The following TEX36 variants were observed in gnomAD, a reference collection of about 807,000 sequenced individuals.
TEX36 encodes the protein testis-expressed protein 36.
TEX36 carries 12 observed loss-of-function variants against 13.6 expected under a neutral mutation model. That is an observed-to-expected ratio of 0.88 (90% confidence interval 0.56 to 1.43). TEX36 has a LOEUF of 1.43. Ranked by LOEUF, TEX36 falls within the 40% of genes most tolerant of loss-of-function variation. The pLI, the probability that TEX36 is intolerant of heterozygous loss-of-function variation, is 0.00. For missense variants in TEX36, 224 were observed against 228.3 expected, an observed-to-expected ratio of 0.98 and a Z score of 0.12; for synonymous variants, 93 against 83.0, an observed-to-expected ratio of 1.12 and a Z score of -0.65.
At chr10:125,631,747 C>T (rs1300525407) in intron 3 of TEX36, among the ~76,000 whole-genome samples, 3 of 152,040 alleles carry the variant, frequency 2.0e-5, no homozygotes, top group Admixed American at 2.0e-4. Flanking sequence ...GATGTCAACG[C>T]GTGCTATATG....
At chr10:125,598,479 T>C (rs1452233705) in intron 3 of TEX36, among the ~76,000 whole-genome samples, 1 of 152,110 alleles carries the variant, frequency 6.6e-6, no homozygotes, top group Non-Finnish European at 1.5e-5. Flanking sequence ...AGGAAGAGGA[T>C]CCTTGGAAAA....
intron 3 of TEX36, among the ~76,000 whole-genome samples, chr10:125,622,280 T>C (rs750273865): frequency 1.3e-5 from 2 of 152,326 alleles, no homozygotes; most frequent in Admixed American, 6.5e-5. Flanking sequence ...TAAATGCTGA[T>C]ATGAAGTCAA....
intron 3 of TEX36, among the ~76,000 whole-genome samples, chr10:125,658,133 T>G (rs1298930734): frequency 1.3e-5 from 2 of 152,154 alleles, no homozygotes; most frequent in Non-Finnish European, 2.9e-5. Flanking sequence ...ATTCTTCGAT[T>G]TTTTTTAAAA....
intron 3 of TEX36, among the ~76,000 whole-genome samples, chr10:125,615,155 T>C (rs1846340189): frequency 6.6e-6 from 1 of 152,170 alleles, no homozygotes; most frequent in African/African-American, 2.4e-5. Flanking sequence ...TTTGCTGAAG[T>C]TGCTTATCAG....
intron 3 of TEX36, among the ~76,000 whole-genome samples, chr10:125,644,752 T>C (rs1846742024): frequency 6.6e-6 from 1 of 152,222 alleles, no homozygotes; most frequent in South Asian, 2.1e-4. Context: ...GATTATGTTA[T>C]GTTACATGTT....
At chr10:125,644,989 A>G (rs886229221) in intron 3 of TEX36, among the ~76,000 whole-genome samples, 3 of 152,220 alleles carry the variant, frequency 2.0e-5, no homozygotes, top group African/African-American at 2.4e-5. Context: ...ACAGCAAATG[A>G]GGAAGCAGGA....
At chr10:125,669,198 G>T (rs903701290) in intron 1 of TEX36, among the ~76,000 whole-genome samples, 1 of 152,178 alleles carries the variant, frequency 6.6e-6, no homozygotes, top group African/African-American at 2.4e-5. Context: ...GGCTGAGGCA[G>T]GAGAATTGCT....
At chr10:125,682,716 G>A (rs1397122242) in intron 1 of TEX36, among the ~76,000 whole-genome samples, 3 of 152,224 alleles carry the variant, frequency 2.0e-5, no homozygotes, top group Non-Finnish European at 4.4e-5. Context: ...ACATTCACGA[G>A]GTTCCAGTGT....
chr10:125,659,815 T>C (rs1416136829), intron 3 of TEX36, among the ~76,000 whole-genome samples: 2 of 152,210 alleles, frequency 1.3e-5, no homozygotes, highest in Non-Finnish European at 2.9e-5. Context: ...AGATGCTTTA[T>C]AAATGGTGGG....
intron 3 of TEX36, among the ~76,000 whole-genome samples, chr10:125,591,069 A>T (rs1846016396): frequency 6.6e-6 from 1 of 152,164 alleles, no homozygotes; most frequent in Admixed American, 6.5e-5. Context: ...ATGAGGGTGG[A>T]TCTGAGCTCC....
chr10:125,631,376 GC>G (rs1846551977), intron 3 of TEX36, among the ~76,000 whole-genome samples: 1 of 152,196 alleles, frequency 6.6e-6, no homozygotes, highest in Admixed American at 6.5e-5. Flanking sequence ...CCTCTGTGTA[GC>G]CACACACCTT....
chr10:125,594,309 T>G (rs1461530345), intron 3 of TEX36, among the ~76,000 whole-genome samples: 2 of 152,188 alleles, frequency 1.3e-5, no homozygotes, highest in Non-Finnish European at 1.5e-5. Flanking sequence ...ATGTCCCAGC[T>G]AAGTGAAAAC....
chr10:125,666,379 T>C (rs1407809152), intron 1 of TEX36, among the ~76,000 whole-genome samples: 1 of 152,168 alleles, frequency 6.6e-6, no homozygotes, highest in Non-Finnish European at 1.5e-5. Flanking sequence ...TCCTTCTATG[T>C]CTAGTTTGTT....
intron 1 of TEX36, chr10:125,667,260 G>A: frequency 1.6e-6 from 1 of 625,634 alleles, no homozygotes; most frequent in South Asian, 1.5e-5. Flanking sequence ...CCATGCTGGG[G>A]TTCAGCAAGA....
chr10:125,655,924 C>A lies in TEX36; in HGVS notation c.537G>T (p.Lys179Asn), dbSNP rs1417272910. ...ATTAGGACTCCAGTGAAGAAACAAC[C>A]TTTTTGTCAACAGTGAACCTTACTT... ...KPKVRFTVDK[K>N]VVSSLES The change falls in exon 4 of 4, where the codon AAG becomes AAT. Residue 179 changes from lysine (K) to asparagine (N), a missense_variant. Coordinates refer to ENST00000368821, the MANE Select transcript of TEX36 (RefSeq NM_001128202.3). 5 of 1,530,898 alleles carry A rather than the reference C, an allele frequency of 3.3e-6. No individual in the cohort carries two copies. Among genetic ancestry groups the A allele is most frequent in the Non-Finnish European group, 4.4e-6 (5 of 1,137,264 alleles). The allele number at this position is 1,530,898 out of a possible 1,614,324, so 94.8% of individuals were successfully genotyped here.
chr10:125,679,725 C>T lies in TEX36; in HGVS notation c.51+3214G>A, dbSNP rs141738446. Among the ~76,000 whole-genome samples the T allele has an allele frequency of 4.2e-3, 635 of 152,338 alleles. 2 individuals are homozygous for T. Among genetic ancestry groups the T allele is most frequent in the Non-Finnish European group, 7.5e-3 (511 of 68,036 alleles). ...TTTCCTGTCACTTCTCTGTTGAATT[C>T]CAGCGTTCTCTCTTGGATAACATAT... On this transcript the variant is annotated intron_variant, in intron 1 of 3. Transcript: ENST00000368821.
downstream of TEX36, among the ~76,000 whole-genome samples, chr10:125,654,038 CCTATCCAGTG>C (rs1489100961): frequency 1.3e-5 from 2 of 151,914 alleles, no homozygotes; most frequent in Non-Finnish European, 2.9e-5. Flanking sequence ...TACTGGAGGT[CCTATCCAGTG>C]CAATAAGATG....
intron 1 of TEX36, among the ~76,000 whole-genome samples, chr10:125,675,647 CCCCATGTGGCT>C (rs1158489136): frequency 6.6e-6 from 1 of 152,140 alleles, no homozygotes; most frequent in Non-Finnish European, 1.5e-5. Flanking sequence ...GGGAACTCAA[CCCCATGTGGCT>C]CCCAGGTGGG....
At chr10:125,671,271 G>C (rs938689426) in intron 1 of TEX36, among the ~76,000 whole-genome samples, 4 of 152,150 alleles carry the variant, frequency 2.6e-5, no homozygotes, top group African/African-American at 9.7e-5. Context: ...CTGTGGGTTT[G>C]TCATAAATGG....
Sources: gnomAD v4.1 joint callset for allele counts (sites outside exome capture counted in the v4.1 genomes callset) on GRCh38, gnomAD v4.1.1 for gene constraint, MANE v1.5 for transcripts, NCBI Gene and HGNC (gene_info 2026-07-23, HGNC 2026-07-21) for gene names.